EDIL3: variants seen among roughly 807,000 people sequenced by gnomAD.
EDIL3 encodes EGF-like repeat and discoidin I-like domain-containing protein 3.
EDIL3 carries 37 observed loss-of-function variants against 67.4 expected under a neutral mutation model. The ratio of observed to expected loss-of-function variants is 0.55; its 90% CI spans 0.42 to 0.72. The LOEUF is 0.72. EDIL3 is among the 30% of genes least tolerant of loss of function. The probability of loss-of-function intolerance (pLI) is 0.00; values close to 1 mark genes in which losing one functional copy is unlikely to be tolerated. For synonymous variants in EDIL3, 195 were observed against 196.3 expected, an observed-to-expected ratio of 0.99 and a Z score of 0.05; for missense variants, 527 against 586.3, an observed-to-expected ratio of 0.90 and a Z score of 1.04.
intron 6 of EDIL3, among the ~76,000 whole-genome samples, chr5:84,105,922 C>G (rs888871760): frequency 6.1e-4 from 92 of 151,990 alleles, no homozygotes; most frequent in African/African-American, 2.1e-3. Flanking sequence ...ATTCTTCCTC[C>G]CTTTAGTACA....
intron 1 of EDIL3, among the ~76,000 whole-genome samples, chr5:84,356,527 C>A (rs151127389): frequency 1.8e-4 from 28 of 152,332 alleles, no homozygotes; most frequent in African/African-American, 5.8e-4. Flanking sequence ...CTTCTTCCAT[C>A]ACATCTCCTT....
At chr5:84,121,895 T>C (rs1410018724) in intron 5 of EDIL3, among the ~76,000 whole-genome samples, 2 of 152,026 alleles carry the variant, frequency 1.3e-5, no homozygotes, top group Non-Finnish European at 2.9e-5. Context: ...CACATTAGAT[T>C]GTAAATTCTT....
intron 1 of EDIL3, among the ~76,000 whole-genome samples, chr5:84,359,618 A>T (rs1364589042): frequency 6.6e-6 from 1 of 152,220 alleles, no homozygotes; most frequent in African/African-American, 2.4e-5. Context: ...GCTAGAATTG[A>T]CTTGAAACTA....
At chr5:84,046,345 C>T (rs1339854584) in intron 9 of EDIL3, among the ~76,000 whole-genome samples, 1 of 152,092 alleles carries the variant, frequency 6.6e-6, no homozygotes, top group Non-Finnish European at 1.5e-5. Context: ...CAGGACTGGG[C>T]ATTGGAGAGG....
intron 1 of EDIL3, among the ~76,000 whole-genome samples, chr5:84,371,551 A>C (rs955312980): frequency 1.6e-4 from 24 of 150,640 alleles, no homozygotes; most frequent in Admixed American, 6.6e-5. Flanking sequence ...TATGAAATAA[A>C]AAAAGCTAAG....
At chr5:84,234,550 T>A (rs975935782) in intron 2 of EDIL3, among the ~76,000 whole-genome samples, 2 of 152,216 alleles carry the variant, frequency 1.3e-5, no homozygotes, top group African/African-American at 4.8e-5. Flanking sequence ...TTCTTACATA[T>A]TCTGTTTTTG....
chr5:83,974,666 T>C (rs1744849761), intron 9 of EDIL3, among the ~76,000 whole-genome samples: 1 of 152,030 alleles, frequency 6.6e-6, no homozygotes, highest in African/African-American at 2.4e-5. Flanking sequence ...TCACCATAAA[T>C]TATACTTGTA....
At chr5:84,252,505 A>AAAAAAAAAAAAAAAAAAAAAAAAAAAAAC (rs1401919258) in intron 2 of EDIL3, among the ~76,000 whole-genome samples, 1 of 148,236 alleles carries the variant, frequency 6.7e-6, no homozygotes, top group Non-Finnish European at 1.5e-5. Context: ...AAAAAAAAAA[A>AAAAAAAAAAAAAAAAAAAAAAAAAAAAAC]AAAAAAAAAA....
chr5:84,341,135 G>T (rs1319476543), intron 1 of EDIL3, among the ~76,000 whole-genome samples: 1 of 151,948 alleles, frequency 6.6e-6, no homozygotes, highest in African/African-American at 2.4e-5. Context: ...TTGCCTGATG[G>T]ATCCATCAGG....
At chr5:84,289,500 C>A (rs1157425592) in intron 1 of EDIL3, among the ~76,000 whole-genome samples, 2 of 152,136 alleles carry the variant, frequency 1.3e-5, no homozygotes, top group African/African-American at 4.8e-5. Context: ...CAAATCATCA[C>A]AAACACTTCC....
At chr5:84,031,110 A>G (rs1745912084) in intron 9 of EDIL3, among the ~76,000 whole-genome samples, 1 of 152,162 alleles carries the variant, frequency 6.6e-6, no homozygotes, top group South Asian at 2.1e-4. Flanking sequence ...GACACTGGTC[A>G]TATTAGACTT....
intron 3 of EDIL3, among the ~76,000 whole-genome samples, chr5:84,228,074 G>A (rs928663806): frequency 2.0e-5 from 3 of 151,926 alleles, no homozygotes; most frequent in African/African-American, 7.3e-5. Flanking sequence ...GAAATCCAGT[G>A]TGTATTTTAT....
At chr5:84,285,141 A>G (rs1441760064) in intron 1 of EDIL3, among the ~76,000 whole-genome samples, 1 of 152,220 alleles carries the variant, frequency 6.6e-6, no homozygotes, top group Non-Finnish European at 1.5e-5. Flanking sequence ...GTTCTTGAAT[A>G]AGTGGGCCCC....
intron 4 of EDIL3, among the ~76,000 whole-genome samples, chr5:84,179,334 C>A (rs1187214063): frequency 6.6e-6 from 1 of 152,168 alleles, no homozygotes; most frequent in African/African-American, 2.4e-5. Flanking sequence ...CTTTTCATTG[C>A]TTTGTTGGTG....
intron 1 of EDIL3, among the ~76,000 whole-genome samples, chr5:84,280,500 G>A (rs1383291997): frequency 6.9e-6 from 1 of 144,098 alleles, no homozygotes; most frequent in Non-Finnish European, 1.5e-5. Context: ...GCCACTATCT[G>A]TGAATATATT....
chr5:84,372,671 G>A (rs886985254), intron 1 of EDIL3, among the ~76,000 whole-genome samples: 5 of 152,092 alleles, frequency 3.3e-5, no homozygotes, highest in African/African-American at 7.2e-5. Flanking sequence ...AAGATTCCTC[G>A]ATTTGGATCT....
intron 6 of EDIL3, among the ~76,000 whole-genome samples, chr5:84,066,810 T>C (rs1288263016): frequency 2.0e-5 from 3 of 152,162 alleles, no homozygotes; most frequent in Non-Finnish European, 4.4e-5. Context: ...TATTTTTAAG[T>C]AAACAAATAT....
In EDIL3 at chr5:84,319,333, G is replaced by A. The variant is rs1386567295; in HGVS notation, c.67+64975C>T. Among the ~76,000 whole-genome samples, 3 of 111,042 alleles carry A rather than the reference G, an allele frequency of 2.7e-5. 1 individual carries two copies. The South Asian group carries it at 1.0e-3, about 39-fold the overall frequency. The allele number at this position is 111,042 out of a possible 152,430, so 72.8% of individuals were successfully genotyped here. On this transcript the variant is annotated intron_variant, in intron 1 of 10. Transcript: ENST00000296591. Reference sequence around the variant, plus strand: ...AAAAAAATTAGCCGGGCGCAGTGGCGGGCGCCTGTAGTCCCAGCTACTCGG... The same window carrying A: ...AAAAAAATTAGCCGGGCGCAGTGGCAGGCGCCTGTAGTCCCAGCTACTCGG...
At chr5:83,990,039 C>T (rs1479589459) in intron 9 of EDIL3, among the ~76,000 whole-genome samples, 1 of 152,136 alleles carries the variant, frequency 6.6e-6, no homozygotes, top group African/African-American at 2.4e-5. Flanking sequence ...GTGCAATCTT[C>T]CAGATGAGAA....
Sources: allele counts gnomAD v4.1 joint callset (sites outside exome capture counted in the v4.1 genomes callset), GRCh38; gene constraint gnomAD v4.1.1; transcripts MANE v1.5; gene names NCBI Gene and HGNC (gene_info 2026-07-23, HGNC 2026-07-21).